BABAM2: variants seen among roughly 807,000 people sequenced by gnomAD.
BABAM2 encodes BRISC and BRCA1 A complex member 2, also known as BRISC and BRCA1-A complex member 2.
In BABAM2, 31 loss-of-function variants were observed where a neutral mutation model predicts 54.7. The ratio of observed to expected loss-of-function variants is 0.57; its 90% CI spans 0.43 to 0.77. The LOEUF is 0.77. BABAM2 is among the 30% of genes least tolerant of loss of function. The pLI is 0.00. For synonymous variants in BABAM2, 167 were observed against 162.9 expected (o/e 1.03, Z -0.19); for missense variants, 364 against 455.8 (o/e 0.80, Z 1.83).
At chr2:28,031,624 G>A (rs1217439929) in intron 5 of BABAM2, among the ~76,000 whole-genome samples, 1 of 152,092 alleles carries the variant, frequency 6.6e-6, no homozygotes, top group East Asian at 1.9e-4. Flanking sequence ...CAATTTGGAA[G>A]GTTTAATCTG....
chr2:28,083,821 A>G (rs1665397004), intron 6 of BABAM2, among the ~76,000 whole-genome samples: 1 of 152,134 alleles, frequency 6.6e-6, no homozygotes, highest in Non-Finnish European at 1.5e-5. Flanking sequence ...GTGTATCTAT[A>G]TATTTGGTCA....
intron 7 of BABAM2, among the ~76,000 whole-genome samples, chr2:28,235,646 TTTTG>T (rs369010050): frequency 1.5e-4 from 22 of 151,716 alleles, no homozygotes; most frequent in South Asian, 4.2e-4. Flanking sequence ...TAAACTCTTT[TTTTG>T]TTTGTTTGTT....
chr2:28,092,451 A>G (rs570241792), intron 6 of BABAM2, among the ~76,000 whole-genome samples: 20 of 152,340 alleles, frequency 1.3e-4, no homozygotes, highest in African/African-American at 4.6e-4. Context: ...CTATATATCA[A>G]CAGAAAAACA....
At chr2:28,035,782 T>C (rs1207274559) in intron 5 of BABAM2, among the ~76,000 whole-genome samples, 5 of 152,128 alleles carry the variant, frequency 3.3e-5, no homozygotes, top group Non-Finnish European at 7.4e-5. Context: ...TAAAAAGTAG[T>C]GTGTGGATAC....
chr2:28,267,598 T>C (rs984481342), intron 10 of BABAM2, among the ~76,000 whole-genome samples: 5 of 152,240 alleles, frequency 3.3e-5, no homozygotes, highest in African/African-American at 1.2e-4. Flanking sequence ...TCATTATGGA[T>C]GAAAGGAGGA....
rs1489279186 is a variant in BABAM2, at chr2:28,338,541, C to G, written c.*28C>G. On this transcript the variant is annotated 3_prime_UTR_variant, in exon 12 of 12. Transcript: ENST00000379624. Reference sequence around the variant, plus strand: ...AACACCAGTCTTGAGAGGTGGCCAGCCAGACTGCCTGTCCACATGCGTGTC... The same window carrying G: ...AACACCAGTCTTGAGAGGTGGCCAGGCAGACTGCCTGTCCACATGCGTGTC... The G allele has an allele frequency of 6.2e-7, 1 of 1,611,832 alleles. No homozygotes were observed. The highest frequency in any genetic ancestry group is 8.5e-7 in the Non-Finnish European group (1 of 1,178,112).
chr2:28,306,995 CTTTTTTTTTTTTT>C (rs143177903), intron 11 of BABAM2, among the ~76,000 whole-genome samples: 12 of 26,358 alleles, frequency 4.6e-4, no homozygotes, highest in South Asian at 1.9e-3. Flanking sequence ...CACACCTGGC[CTTTTTTTTTTTTT>C]TTTTTTTTTT....
chr2:27,994,152 C>T (rs184681755), intron 4 of BABAM2, among the ~76,000 whole-genome samples: 2 of 152,226 alleles, frequency 1.3e-5, no homozygotes, highest in African/African-American at 4.8e-5. Context: ...GACAGATAAG[C>T]AGAATTATAG....
In BABAM2 at chr2:28,008,831, G is replaced by C. The variant is rs541568886; in HGVS notation, c.301-16395G>C. ...AAGTTTAGTAAAATTCATTACTATAGGAGAAGCAGAAAGGAGCAAGAGTGA... is the reference window on the plus strand; with the variant it reads ...AAGTTTAGTAAAATTCATTACTATACGAGAAGCAGAAAGGAGCAAGAGTGA... On this transcript the variant is annotated intron_variant, in intron 4 of 11. Transcript: ENST00000379624. Among the ~76,000 whole-genome samples the C allele has an allele frequency of 5.3e-5, 8 of 152,232 alleles. No individual in the cohort carries two copies. The East Asian group carries it at 1.5e-3, about 29-fold the overall frequency.
At chr2:28,259,916 T>G (rs1309114158) in intron 10 of BABAM2, among the ~76,000 whole-genome samples, 1 of 151,960 alleles carries the variant, frequency 6.6e-6, no homozygotes, top group South Asian at 2.1e-4. Context: ...TTTTTTTTTT[T>G]TGAGATGGAG....
chr2:28,082,701 G>A (rs1332310046), intron 6 of BABAM2, among the ~76,000 whole-genome samples: 5 of 152,100 alleles, frequency 3.3e-5, no homozygotes, highest in Admixed American at 3.3e-4. Context: ...TTTACTAGTA[G>A]ACTCTATGCT....
intron 5 of BABAM2, among the ~76,000 whole-genome samples, chr2:28,044,985 A>G (rs1256766829): frequency 1.3e-5 from 2 of 151,454 alleles, no homozygotes; most frequent in Non-Finnish European, 2.9e-5. Flanking sequence ...CCTCTAGACT[A>G]TGACAAAGTT....
intron 3 of BABAM2, among the ~76,000 whole-genome samples, chr2:27,979,836 C>A (rs936355056): frequency 6.6e-6 from 1 of 152,126 alleles, no homozygotes; most frequent in Non-Finnish European, 1.5e-5. Flanking sequence ...GGCAAGTATC[C>A]TGTGGACAGG....
intron 7 of BABAM2, among the ~76,000 whole-genome samples, chr2:28,148,371 A>G (rs1270871013): frequency 1.3e-5 from 2 of 152,162 alleles, no homozygotes; most frequent in Non-Finnish European, 2.9e-5. Context: ...AATAAGTTGC[A>G]TTCCAAATTG....
rs531416388 is a variant in BABAM2 at position 28,103,705 on chromosome 2, A to G, written c.571-25566A>G. On this transcript the variant is annotated intron_variant, in intron 6 of 11. Transcript: ENST00000379624. ...GGGAAGAATAGTGTACTCCTCACAG[A>G]GATGAAAAGGTCCCATTGTTTCTCC... 3.9e-5 allele frequency among the ~76,000 whole-genome samples: 6 copies of G among 152,338 alleles called. No homozygotes were observed. In the South Asian group the frequency reaches 1.2e-3, roughly 32 times the overall value.
At chr2:28,044,022 T>C (rs1215967986) in intron 5 of BABAM2, among the ~76,000 whole-genome samples, 1 of 152,188 alleles carries the variant, frequency 6.6e-6, no homozygotes, top group Non-Finnish European at 1.5e-5. Context: ...TCAATTCTCA[T>C]TTCCGCCTTG....
chr2:28,181,342 G>A (rs891149561), intron 7 of BABAM2, among the ~76,000 whole-genome samples: 3 of 152,186 alleles, frequency 2.0e-5, no homozygotes, highest in African/African-American at 7.2e-5. Context: ...GGAACTGCAG[G>A]TTAAGTGTTA....
At chr2:28,092,347 C>G (rs1170417257) in intron 6 of BABAM2, among the ~76,000 whole-genome samples, 1 of 151,948 alleles carries the variant, frequency 6.6e-6, no homozygotes, top group Non-Finnish European at 1.5e-5. Context: ...ATTGCTAGGA[C>G]AAAGAGTGAA....
At chr2:28,178,046 A>T (rs530331126) in intron 7 of BABAM2, among the ~76,000 whole-genome samples, 118 of 152,198 alleles carry the variant, frequency 7.8e-4, no homozygotes, top group Non-Finnish European at 1.6e-3. Flanking sequence ...ATACAATAAT[A>T]GTTGGAGACT....
Sources: allele counts gnomAD v4.1 joint callset (sites outside exome capture counted in the v4.1 genomes callset), GRCh38; gene constraint gnomAD v4.1.1; transcripts MANE v1.5; gene names NCBI Gene and HGNC (gene_info 2026-07-23, HGNC 2026-07-21).